DENND1B: variants seen among roughly 807,000 people sequenced by gnomAD.
DENND1B encodes the protein DENN domain-containing protein 1B.
A neutral mutation model predicts 90.1 loss-of-function variants in DENND1B; 59 were observed. The observed-to-expected ratio is 0.65, with a 90% CI of 0.53 to 0.81. The LOEUF (loss-of-function observed/expected upper bound fraction) is 0.81, where lower values mean the gene tolerates loss of function less well. DENND1B is among the 40% of genes least tolerant of loss of function. The pLI is 0.00. For missense variants in DENND1B, 862 were observed against 912.6 expected (o/e 0.94, Z 0.71); for synonymous variants, 337 against 324.6 (o/e 1.04, Z -0.41).
chr1:197,612,421 T>C (rs1378234168), intron 11 of DENND1B, among the ~76,000 whole-genome samples: 4 of 150,590 alleles, frequency 2.7e-5, no homozygotes, highest in East Asian at 2.0e-4. Context: ...TCTTAATATA[T>C]ATATTCATTG....
At chr1:197,606,224 T>C (rs972169023) in intron 13 of DENND1B, 2 of 151,072 alleles carry the variant, frequency 1.3e-5, no homozygotes, top group African/African-American at 4.8e-5. Context: ...CTATTTAACG[T>C]GACATACAGA....
chr1:197,561,248 CA>C (rs1410336009), intron 15 of DENND1B, among the ~76,000 whole-genome samples: 21 of 151,982 alleles, frequency 1.4e-4, no homozygotes, highest in Middle Eastern at 3.4e-3. Flanking sequence ...ACCACGTCAG[CA>C]AAATTGCTCT....
At chr1:197,538,076 C>T (rs1166568845) in intron 20 of DENND1B, among the ~76,000 whole-genome samples, 1 of 151,938 alleles carries the variant, frequency 6.6e-6, no homozygotes, top group Admixed American at 6.6e-5. Context: ...TAGTAGTTGT[C>T]GTAATTTGAA....
At chr1:197,714,138 G>A (rs999500676) in intron 3 of DENND1B, among the ~76,000 whole-genome samples, 13 of 150,128 alleles carry the variant, frequency 8.7e-5, no homozygotes, top group East Asian at 2.0e-4. Flanking sequence ...CACCACACAC[G>A]GCTGTTTTGT....
At chr1:197,755,984 G>A (rs1654229032) in intron 2 of DENND1B, among the ~76,000 whole-genome samples, 2 of 152,198 alleles carry the variant, frequency 1.3e-5, no homozygotes, top group Non-Finnish European at 2.9e-5. Flanking sequence ...ACCCATATCA[G>A]TAGTTACAAA....
Position 197,733,631 on chromosome 1 carries a change from A to G in DENND1B, c.83-18557T>C, listed in dbSNP as rs1662357852. ...AAGCTGCTCCTACTCAACATGCACA[A>G]TAATGATATTGTGAGGCCCCACGAA... On this transcript the variant is annotated intron_variant, in intron 2 of 22. Coordinates refer to ENST00000620048, the MANE Select transcript of DENND1B (RefSeq NM_001195215.2). Among the ~76,000 whole-genome samples, 6 of 152,336 alleles carry G rather than the reference A, an allele frequency of 3.9e-5. No homozygotes were observed. The South Asian group carries it at 1.0e-3, about 26-fold the overall frequency.
chr1:197,643,250 G>A (rs983336828), intron 9 of DENND1B, among the ~76,000 whole-genome samples: 2 of 151,932 alleles, frequency 1.3e-5, no homozygotes, highest in African/African-American at 4.8e-5. Flanking sequence ...CGCCTCCCGG[G>A]TTCAGGTGAT....
intron 13 of DENND1B, among the ~76,000 whole-genome samples, chr1:197,597,620 C>A (rs1675822820): frequency 6.6e-6 from 1 of 151,734 alleles, no homozygotes; most frequent in Non-Finnish European, 1.5e-5. Context: ...TTTATTATAC[C>A]AGATCCTTGA....
intron 10 of DENND1B, among the ~76,000 whole-genome samples, chr1:197,635,220 ATAATG>A (rs2125905009): frequency 6.6e-6 from 1 of 152,354 alleles, no homozygotes; most frequent in East Asian, 1.9e-4. Context: ...ATTTTACACT[ATAATG>A]TAATTAATAA....
At chr1:197,627,982 C>G (rs1280519935) in intron 10 of DENND1B, among the ~76,000 whole-genome samples, 3 of 152,026 alleles carry the variant, frequency 2.0e-5, no homozygotes, top group Non-Finnish European at 2.9e-5. Context: ...TGTGAAGGAC[C>G]TCTTCAAGGA....
intron 2 of DENND1B, 119 bp downstream of exon 2, chr1:197,772,749 C>T (rs1656779084): frequency 6.2e-6 from 5 of 809,214 alleles, no homozygotes; most frequent in Non-Finnish European, 3.9e-6. Flanking sequence ...CACCTGAACC[C>T]GGGAAGGAGA....
At chr1:197,578,553 T>C (rs1018676241) in intron 15 of DENND1B, among the ~76,000 whole-genome samples, 1 of 152,092 alleles carries the variant, frequency 6.6e-6, no homozygotes, top group Non-Finnish European at 1.5e-5. Context: ...CCTAAAAAAG[T>C]AGATTATAAA....
chr1:197,695,265 G>A (rs2358774), intron 3 of DENND1B, among the ~76,000 whole-genome samples: 117,234 of 150,718 alleles, frequency 0.78, 45,858 homozygotes, highest in East Asian at 0.87. Flanking sequence ...ATAATGTTTC[G>A]TTCTGATTCA....
chr1:197,765,338 T>G (rs1655572516), intron 2 of DENND1B, among the ~76,000 whole-genome samples: 1 of 152,226 alleles, frequency 6.6e-6, no homozygotes, highest in Non-Finnish European at 1.5e-5. Context: ...TGGAAATGAT[T>G]AAAAATCCAA....
At chr1:197,565,750 T>G (rs2125715499) in intron 15 of DENND1B, among the ~76,000 whole-genome samples, 1 of 150,800 alleles carries the variant, frequency 6.6e-6, no homozygotes, top group African/African-American at 2.4e-5. Context: ...TTTGGTTTTT[T>G]GTTCTTGCGA....
At chr1:197,629,871 T>C (rs1486894851) in intron 10 of DENND1B, among the ~76,000 whole-genome samples, 1 of 151,854 alleles carries the variant, frequency 6.6e-6, no homozygotes, top group Non-Finnish European at 1.5e-5. Context: ...AACAACCCAA[T>C]TAAGAAATGG....
chr1:197,713,807 T>TATATTATATATAATATATTATATATAAA, intron 3 of DENND1B, among the ~76,000 whole-genome samples: 1 of 70,016 alleles, frequency 1.4e-5, no homozygotes, highest in Non-Finnish European at 2.4e-5. Context: ...TATATTATAA[T>TATATTATATATAATATATTATATATAAA]ATATTATATA....
chr1:197,552,794 G>C, intron 16 of DENND1B: 5 of 1,310,576 alleles, frequency 3.8e-6, no homozygotes, highest in Non-Finnish European at 4.8e-6. Flanking sequence ...AGATTATCGA[G>C]GCCAACAGCT....
intron 3 of DENND1B, among the ~76,000 whole-genome samples, chr1:197,697,430 A>T (rs1489605865): frequency 6.6e-6 from 1 of 151,748 alleles, no homozygotes; most frequent in Non-Finnish European, 1.5e-5. Flanking sequence ...TTTCTGCTAC[A>T]ATAGGGTATC....
Sources: allele counts gnomAD v4.1 joint callset (sites outside exome capture counted in the v4.1 genomes callset), GRCh38; gene constraint gnomAD v4.1.1; transcripts MANE v1.5; gene names NCBI Gene and HGNC (gene_info 2026-07-23, HGNC 2026-07-21).